Variants in RGS22 observed in about 807,000 individuals in gnomAD.
The protein encoded by RGS22 is regulator of G-protein signaling 22.
A neutral mutation model predicts 172.9 loss-of-function variants in RGS22; 148 were observed. That is an observed-to-expected ratio of 0.86 (90% CI 0.75 to 0.98). The LOEUF (loss-of-function observed/expected upper bound fraction) is 0.98. Among genes scored for constraint, RGS22 ranks in the 50% least tolerant of loss-of-function variants. The pLI is 0.00. For synonymous variants in RGS22, 458 were observed against 480.2 expected (o/e 0.95, Z 0.60); for missense variants, 1,347 against 1,440.8 (o/e 0.93, Z 1.05).
chr8:99,978,356 G>T (rs1018288030), intron 22 of RGS22, among the ~76,000 whole-genome samples: 4 of 151,894 alleles, frequency 2.6e-5, no homozygotes, highest in Non-Finnish European at 5.9e-5. Context: ...TATTAATAAA[G>T]AATCCATTAG....
At chr8:100,052,435 G>C (rs1203080534) in intron 10 of RGS22, among the ~76,000 whole-genome samples, 2 of 151,186 alleles carry the variant, frequency 1.3e-5, no homozygotes, top group Non-Finnish European at 2.9e-5. Context: ...CCGAGTAGCT[G>C]GGACTACAGG....
At chr8:100,099,370 C>T (rs1813286328) in intron 2 of RGS22, among the ~76,000 whole-genome samples, 1 of 152,208 alleles carries the variant, frequency 6.6e-6, no homozygotes, top group African/African-American at 2.4e-5. Context: ...GAGAGTATCT[C>T]ACACCCTTGG....
intron 14 of RGS22, among the ~76,000 whole-genome samples, chr8:100,029,717 A>G (rs1052699558): frequency 2.1e-4 from 31 of 150,806 alleles, no homozygotes; most frequent in South Asian, 6.2e-4. Context: ...AAAAAAAAAA[A>G]AAAAAAGAAA....
chr8:99,987,253 G>C (rs1813194207), intron 21 of RGS22, among the ~76,000 whole-genome samples: 1 of 152,026 alleles, frequency 6.6e-6, no homozygotes, highest in Admixed American at 6.6e-5. Context: ...TCATTCCAGG[G>C]CTCACTCTTA....
chr8:99,989,844 CTAGA>C (rs1405546604), intron 20 of RGS22, among the ~76,000 whole-genome samples: 3 of 148,122 alleles, frequency 2.0e-5, no homozygotes, highest in Non-Finnish European at 4.5e-5. Context: ...GACTCTGTCT[CTAGA>C]TAGATAGACA....
At chr8:100,003,323 TA>T (rs1006741932) in intron 17 of RGS22, among the ~76,000 whole-genome samples, 1 of 151,114 alleles carries the variant, frequency 6.6e-6, no homozygotes, top group African/African-American at 2.4e-5. Flanking sequence ...AATTAATAAA[TA>T]AAAAATAAAA....
intron 11 of RGS22, chr8:100,046,171 CTAATTTT>C (rs1014995629): frequency 4.6e-5 from 7 of 152,094 alleles, no homozygotes; most frequent in African/African-American, 1.7e-4. Flanking sequence ...GTTTATATTT[CTAATTTT>C]TAAGAATAAA....
At chr8:99,989,578 T>C (rs1813462846) in intron 20 of RGS22, among the ~76,000 whole-genome samples, 1 of 152,170 alleles carries the variant, frequency 6.6e-6, no homozygotes, top group Non-Finnish European at 1.5e-5. Flanking sequence ...GTGTGTTGGC[T>C]CACGCCTGTA....
chr8:99,977,113 CT>C (rs200087356), intron 23 of RGS22, among the ~76,000 whole-genome samples: 5 of 149,738 alleles, frequency 3.3e-5, no homozygotes, highest in East Asian at 3.9e-4. Context: ...TGTAATTTTT[CT>C]TTTTTTTTAG....
At chr8:100,053,643 C>CT (rs569678285) in intron 9 of RGS22, among the ~76,000 whole-genome samples, 11 of 149,988 alleles carry the variant, frequency 7.3e-5, no homozygotes, top group Non-Finnish European at 1.0e-4. Context: ...AACATACAAA[C>CT]TTTTTTTTTT....
Position 99,996,459 on chromosome 8 carries a change from T to G in RGS22, c.3018+3A>C, listed in dbSNP as rs781123268. On this transcript the variant is annotated splice_donor_region_variant and intron_variant, in intron 20 of 27. Coordinates refer to ENST00000360863, the MANE Select transcript of RGS22 (RefSeq NM_015668.5). ...GAGGAAGAATATAACAAACATTACT[T>G]GCCTTCCAGACCCCGATTTTCTTTT... The G allele has an allele frequency of 6.2e-7, 1 of 1,610,386 alleles. No individual in the cohort carries two copies. The highest frequency in any genetic ancestry group is 1.1e-5 in the South Asian group (1 of 90,984).
chr8:100,060,408 A>G lies in RGS22; in HGVS notation c.1514+2183T>C, dbSNP rs929696373. Among the ~76,000 whole-genome samples the G allele has an allele frequency of 4.6e-5, 6 of 130,770 alleles. 1 individual carries two copies. Among genetic ancestry groups the G allele is most frequent in the South Asian group, 2.4e-4 (1 of 4,082 alleles). 85.8% of individuals were successfully genotyped at this position (130,770 alleles called of 152,430 possible). A position where few individuals can be genotyped will look rare whatever the true frequency, so the allele number is the denominator to read the frequency against. ...TCTGCAACTTTAGCTACGTGTATATATATATATATATATACACACACACAC... is the reference window on the plus strand; with the variant it reads ...TCTGCAACTTTAGCTACGTGTATATGTATATATATATATACACACACACAC... On this transcript the variant is annotated intron_variant, in intron 9 of 27. Transcript: ENST00000360863.
intron 14 of RGS22, among the ~76,000 whole-genome samples, chr8:100,036,790 G>A (rs1021931831): frequency 9.2e-5 from 14 of 151,854 alleles, no homozygotes; most frequent in African/African-American, 4.8e-5. Context: ...ATAAAGATGC[G>A]GTCTCACTTT....
chr8:100,053,461 A>AGGGAGG (rs1821913492), intron 9 of RGS22, among the ~76,000 whole-genome samples: 3 of 38,278 alleles, frequency 7.8e-5, no homozygotes, highest in East Asian at 9.1e-4. Flanking sequence ...AGGGAGGGAG[A>AGGGAGG]GAGGGAGGGA....
chr8:100,039,906 C>A (rs1015163540), intron 13 of RGS22, 56 bp downstream of exon 13: 2 of 1,117,810 alleles, frequency 1.8e-6, no homozygotes, highest in Non-Finnish European at 1.2e-6. Context: ...ATTTTGATGT[C>A]TCATTTTTAA....
intron 16 of RGS22, among the ~76,000 whole-genome samples, chr8:100,005,205 T>C (rs1316284780): frequency 6.6e-6 from 1 of 152,022 alleles, no homozygotes; most frequent in Non-Finnish European, 1.5e-5. Flanking sequence ...AAATTTCAGA[T>C]ATGTACAAAG....
At position 100,002,469 on chromosome 8, in the gene RGS22, G is replaced by A; in HGVS notation, c.2628-105C>T. 11 of 1,030,374 alleles carry A rather than the reference G, an allele frequency of 1.1e-5. No individual in the cohort carries two copies. In the South Asian group the frequency reaches 1.6e-4, roughly 15 times the overall value. 63.8% of individuals were successfully genotyped at this position (1,030,374 alleles called of 1,614,324 possible). On this transcript the variant is annotated intron_variant, in intron 17 of 27. Coordinates refer to ENST00000360863, the MANE Select transcript of RGS22 (RefSeq NM_015668.5). Reference sequence around the variant, plus strand: ...ACAGAACTTAGAAAGTGGCTATCTTGACTAGTAGCATTAGATCATGGAAAT... The same window carrying A: ...ACAGAACTTAGAAAGTGGCTATCTTAACTAGTAGCATTAGATCATGGAAAT...
chr8:100,076,240 T>G (rs926688373), intron 4 of RGS22, among the ~76,000 whole-genome samples: 1 of 152,216 alleles, frequency 6.6e-6, no homozygotes, highest in Non-Finnish European at 1.5e-5. Context: ...TATCTTTTTT[T>G]CCTTGTGCAT....
intron 14 of RGS22, among the ~76,000 whole-genome samples, chr8:100,019,032 A>G (rs1817321154): frequency 6.6e-6 from 1 of 151,998 alleles, no homozygotes; most frequent in Non-Finnish European, 1.5e-5. Context: ...TGTCTGTACT[A>G]TTTGGATTTC....
Sources: allele counts gnomAD v4.1 joint callset (sites outside exome capture counted in the v4.1 genomes callset), GRCh38; gene constraint gnomAD v4.1.1; transcripts MANE v1.5; gene names NCBI Gene and HGNC (gene_info 2026-07-23, HGNC 2026-07-21).